AGL: variants seen among roughly 807,000 people sequenced by gnomAD.
AGL encodes the protein amylo-alpha-1,6-glucosidase and 4-alpha-glucanotransferase.
In AGL, 128 loss-of-function variants were observed where a neutral mutation model predicts 199.3. That is an observed-to-expected ratio of 0.64 (90% CI 0.56 to 0.74). AGL has a LOEUF of 0.74. Among genes scored for constraint, AGL ranks in the 30% least tolerant of loss-of-function variants. The probability of loss-of-function intolerance (pLI) is 0.00; values close to 1 mark genes in which losing one functional copy is unlikely to be tolerated. For synonymous variants in AGL, 584 were observed against 594.7 expected (o/e 0.98, Z 0.26); for missense variants, 1,809 against 1,820.8 (o/e 0.99, Z 0.12).
intron 27 of AGL, among the ~76,000 whole-genome samples, chr1:99,910,270 T>G (rs545693064): frequency 9.8e-4 from 149 of 152,324 alleles, no homozygotes; most frequent in Non-Finnish European, 1.7e-3. Context: ...GTATCTATTA[T>G]TCCACACTCT....
At chr1:99,849,995 G>A (rs1387983685), upstream of AGL, 1 of 152,320 alleles carries the variant, frequency 6.6e-6, no homozygotes, top group East Asian at 1.9e-4. Context: ...GCCGCAGCAG[G>A]CTCCAGGTCC....
intron 26 of AGL, among the ~76,000 whole-genome samples, chr1:99,901,429 A>T (rs890929800): frequency 6.6e-6 from 1 of 150,898 alleles, no homozygotes; most frequent in Non-Finnish European, 1.5e-5. Context: ...ATAGGGTTGC[A>T]TAGTGGATTG....
chr1:99,862,909 T>C (rs779608911), intron 4 of AGL, among the ~76,000 whole-genome samples: 1 of 152,010 alleles, frequency 6.6e-6, no homozygotes, highest in Non-Finnish European at 1.5e-5. Context: ...TTGTTTCTTA[T>C]TATTTAGTAA....
At position 99,877,794 on chromosome 1, in the gene AGL, A is replaced by T; in HGVS notation, c.1577A>T (p.Asp526Val). The change falls in exon 12 of 34, where the codon GAT (aspartate) becomes GTT (valine). Residue 526 changes from aspartate to valine, a missense_variant. Transcript: ENST00000361915. ...ACTTATTTCCAGGGAGTACGTCTTGATAACTGCCACTCAACACCTCTTCAC... is the reference window on the plus strand; with the variant it reads ...ACTTATTTCCAGGGAGTACGTCTTGTTAACTGCCACTCAACACCTCTTCAC... ...TATYFQGVRL[D>V]NCHSTPLHVA... 1 of 1,614,098 alleles carries T rather than the reference A, an allele frequency of 6.2e-7. No individual in the cohort carries two copies. Among genetic ancestry groups the T allele is most frequent in the Non-Finnish European group, 8.5e-7 (1 of 1,179,978 alleles).
chr1:99,856,576 G>A (rs1649484825), intron 2 of AGL, among the ~76,000 whole-genome samples: 2 of 151,966 alleles, frequency 1.3e-5, no homozygotes. Flanking sequence ...GTTTTCCTAG[G>A]CAAAGGACCC....
intron 21 of AGL, among the ~76,000 whole-genome samples, chr1:99,890,816 G>A (rs1006728526): frequency 3.3e-5 from 5 of 152,010 alleles, no homozygotes; most frequent in Non-Finnish European, 7.4e-5. Context: ...CCTGAATACT[G>A]ATGAACCCAC....
At chr1:99,889,118 G>A (rs114688742) in intron 21 of AGL, among the ~76,000 whole-genome samples, 3 of 152,122 alleles carry the variant, frequency 2.0e-5, no homozygotes, top group Non-Finnish European at 4.4e-5. Context: ...CTACCACAGG[G>A]ATTATGGTTA....
rs1440774126 is a variant in AGL, at chr1:99,916,441, G to A, written c.4291G>A (p.Ala1431Thr). The A allele has an allele frequency of 6.2e-7, 1 of 1,612,312 alleles. No homozygotes were observed. Among genetic ancestry groups the A allele is most frequent in the East Asian group, 2.2e-5 (1 of 44,740 alleles). ...GGTTTACTGTGGAATTTATGACAAT[G>A]CATTAGACAATGACAACTACAATCT... Reference protein sequence around the residue: ...DMVYCGIYDNALDNDNYNLAK... With the variant: ...DMVYCGIYDNTLDNDNYNLAK... The change falls in exon 32 of 34, where the codon GCA becomes ACA. Residue 1431 changes from alanine to threonine, a missense_variant. By Grantham distance (58) the Ala-to-Thr change is moderately conservative. Coordinates refer to ENST00000361915, the MANE Select transcript of AGL (RefSeq NM_000642.3).
At chr1:99,893,492 A>T (rs986969412) in intron 24 of AGL, among the ~76,000 whole-genome samples, 6 of 152,214 alleles carry the variant, frequency 3.9e-5, no homozygotes, top group African/African-American at 1.4e-4. Flanking sequence ...GATGCTCATG[A>T]AACTGACCTT....
chr1:99,857,510 A>G (rs2101072151), intron 2 of AGL, among the ~76,000 whole-genome samples: 1 of 152,148 alleles, frequency 6.6e-6, no homozygotes, highest in African/African-American at 2.4e-5. Flanking sequence ...ACTGCACTCC[A>G]GCCTGGGCAA....
At chr1:99,872,656 G>A (rs1651117753) in intron 7 of AGL, among the ~76,000 whole-genome samples, 1 of 151,694 alleles carries the variant, frequency 6.6e-6, no homozygotes, top group Non-Finnish European at 1.5e-5. Context: ...AGCCTCCCAA[G>A]TAGCTGAAAC....
chr1:99,913,491 A>G (rs759379077), intron 29 of AGL, 36 bp from the exon 30 acceptor site: 9 of 1,506,560 alleles, frequency 6.0e-6, no homozygotes, highest in Non-Finnish European at 8.3e-6. Context: ...ATTGTTTTGA[A>G]TGATTAAAAC....
chr1:99,910,402 A>G (rs1469981101), intron 27 of AGL, among the ~76,000 whole-genome samples: 1 of 152,114 alleles, frequency 6.6e-6, no homozygotes, highest in African/African-American at 2.4e-5. Flanking sequence ...CCATTCCTCT[A>G]TTGAGCAGTT....
At chr1:99,852,612 G>A in intron 2 of AGL, 4 of 731,292 alleles carry the variant, frequency 5.5e-6, no homozygotes, top group South Asian at 4.2e-5. Context: ...CTGGACTCAA[G>A]CAACCCTCCC....
upstream of AGL, among the ~76,000 whole-genome samples, chr1:99,849,911 G>C (rs1460390066): frequency 1.4e-4 from 21 of 152,224 alleles, no homozygotes; most frequent in Non-Finnish European, 2.9e-5. Context: ...GAGCTCGCAG[G>C]CTGTTAAAGG....
intron 20 of AGL, 48 bp downstream of exon 20, chr1:99,884,751 TA>T: frequency 1.2e-6 from 2 of 1,607,260 alleles, no homozygotes; most frequent in Non-Finnish European, 8.5e-7. Context: ...ATAAGTAAGT[TA>T]CCACTAGACT....
intron 24 of AGL, among the ~76,000 whole-genome samples, chr1:99,892,853 C>T (rs1439608944): frequency 6.6e-6 from 1 of 151,242 alleles, no homozygotes; most frequent in Admixed American, 6.6e-5. Flanking sequence ...CTATTTTTTC[C>T]AACTCTTGAC....
In AGL at chr1:99,851,017, A is replaced by G; in HGVS notation, c.-26A>G. 2 of 1,580,732 alleles carry G rather than the reference A, an allele frequency of 1.3e-6. No homozygotes were observed. Among genetic ancestry groups the G allele is most frequent in the Non-Finnish European group, 1.7e-6 (2 of 1,149,752 alleles). On this transcript the variant is annotated 5_prime_UTR_variant, in exon 2 of 34. Transcript: ENST00000361915. ...GTGGAGTTCTTTTAATTCTTATGAA[A>G]GATTTCAAATCCTCTAGAAGCCAAA...
At position 99,867,594 on chromosome 1, in the gene AGL, C is replaced by T. The variant is rs966221051; in HGVS notation, c.665-2806C>T. Among the ~76,000 whole-genome samples, 5 of 148,626 alleles carry T rather than the reference C, an allele frequency of 3.4e-5. No homozygotes were observed. In the South Asian group the frequency reaches 1.1e-3, roughly 32 times the overall value. On this transcript the variant is annotated intron_variant, in intron 5 of 33. Coordinates refer to ENST00000361915, the MANE Select transcript of AGL (RefSeq NM_000642.3). Reference sequence around the variant, plus strand: ...TTTTTGAGACGGAGTCTCCTTCTGTCGCCCAGGCTGGAGTGCAGTGGCGCA... The same window carrying T: ...TTTTTGAGACGGAGTCTCCTTCTGTTGCCCAGGCTGGAGTGCAGTGGCGCA...
Sources: gnomAD v4.1 joint callset for allele counts (sites outside exome capture counted in the v4.1 genomes callset) on GRCh38, gnomAD v4.1.1 for gene constraint, MANE v1.5 for transcripts, NCBI Gene and HGNC (gene_info 2026-07-23, HGNC 2026-07-21) for gene names.